RBFOX1: variants seen among roughly 807,000 people sequenced by gnomAD.
RBFOX1 encodes RNA binding fox-1 homolog 1.
In RBFOX1, 8 loss-of-function variants were observed where a neutral mutation model predicts 57.7. The ratio of observed to expected loss-of-function variants is 0.14; its 90% CI spans 0.08 to 0.25. The LOEUF (loss-of-function observed/expected upper bound fraction) is 0.25, where lower values mean the gene tolerates loss of function less well. Ranked by LOEUF, RBFOX1 falls within the 10% of genes least tolerant of loss-of-function variation. The pLI is 1.00. For synonymous variants in RBFOX1, 326 were observed against 222.4 expected (o/e 1.47, Z -4.15); for missense variants, 611 against 548.5 (o/e 1.11, Z -1.14).
intron 2 of RBFOX1, among the ~76,000 whole-genome samples, chr16:6,489,023 G>A (rs79201744): frequency 0.079 from 11,974 of 152,166 alleles, 556 homozygotes; most frequent in Middle Eastern, 0.11. Flanking sequence ...TTCCCTTACA[G>A]TCTGACACTA....
chr16:5,572,225 C>T (rs1228315964), intron 2 of RBFOX1, among the ~76,000 whole-genome samples: 1 of 152,196 alleles, frequency 6.6e-6, no homozygotes, highest in Non-Finnish European at 1.5e-5. Flanking sequence ...TTCTGTGGCT[C>T]AGAAGCTCTC....
rs149279949 is a variant in RBFOX1, at chr16:5,272,875, C to T, written c.219+32770C>T. Among the ~76,000 whole-genome samples the T allele has an allele frequency of 3.9e-3, 592 of 152,340 alleles. 2 individuals carry two copies. Among genetic ancestry groups the T allele is most frequent in the African/African-American group, 0.014 (565 of 41,564 alleles). ...CAAAAGTATGTAGTTGAGCTGACTGCAAGGTGCTTGAGATGCAAGAGACTC... is the reference window on the plus strand; with the variant it reads ...CAAAAGTATGTAGTTGAGCTGACTGTAAGGTGCTTGAGATGCAAGAGACTC... On this transcript the variant is annotated intron_variant, in intron 1 of 2. Transcript: ENST00000585867.
rs1381608851 is a variant in RBFOX1, at chr16:6,780,385, ATAT to A, written c.-16+125739_-16+125741del. Among the ~76,000 whole-genome samples, 7 of 83,448 alleles carry A rather than the reference ATAT, an allele frequency of 8.4e-5. 1 individual carries two copies. In the Admixed American group the frequency reaches 8.6e-4, roughly 10 times the overall value. 54.7% of individuals were successfully genotyped at this position (83,448 alleles called of 152,430 possible). ...TACATATTTATAGATATATTTATAC[ATAT>A]TATATATATTTTTATATATATTTAT... On this transcript the variant is annotated intron_variant, in intron 3 of 15. Transcript: ENST00000550418.
chr16:7,537,998 A>C (rs1335992010), intron 5 of RBFOX1, among the ~76,000 whole-genome samples: 1 of 152,254 alleles, frequency 6.6e-6, no homozygotes, highest in Non-Finnish European at 1.5e-5. Flanking sequence ...CCAGGTTCTT[A>C]CTGGAAAACA....
At chr16:5,740,624 G>C (rs1457687549) in intron 3 of RBFOX1, among the ~76,000 whole-genome samples, 3 of 152,174 alleles carry the variant, frequency 2.0e-5, no homozygotes, top group African/African-American at 7.2e-5. Context: ...AGGCATAGCT[G>C]GATCCAGGAG....
At chr16:6,744,234 A>T (rs1282721002) in intron 3 of RBFOX1, among the ~76,000 whole-genome samples, 1 of 152,142 alleles carries the variant, frequency 6.6e-6, no homozygotes, top group Admixed American at 6.5e-5. Flanking sequence ...AAACTGTTGG[A>T]ACTGGAAGGA....
intron 14 of RBFOX1, among the ~76,000 whole-genome samples, chr16:7,706,412 G>A (rs1005736285): frequency 1.3e-5 from 2 of 152,078 alleles, no homozygotes; most frequent in African/African-American, 4.8e-5. Context: ...GTTACCTTGG[G>A]TTTTCCACAA....
chr16:6,660,400 T>G (rs2098693694), intron 3 of RBFOX1, among the ~76,000 whole-genome samples: 1 of 151,988 alleles, frequency 6.6e-6, no homozygotes, highest in Non-Finnish European at 1.5e-5. Context: ...GAACTAAAAA[T>G]AAACATAAAA....
chr16:7,137,429 C>A (rs1441737268), intron 4 of RBFOX1, among the ~76,000 whole-genome samples: 1 of 152,130 alleles, frequency 6.6e-6, no homozygotes, highest in Admixed American at 6.5e-5. Flanking sequence ...CTGATGAGAT[C>A]TGATGGTTTT....
intron 4 of RBFOX1, among the ~76,000 whole-genome samples, chr16:7,413,299 C>T (rs2098447488): frequency 6.6e-6 from 1 of 152,068 alleles, no homozygotes; most frequent in African/African-American, 2.4e-5. Context: ...CTCCCCTGGC[C>T]ACCCTCCTGC....
intron 12 of RBFOX1, among the ~76,000 whole-genome samples, chr16:7,655,432 C>T (rs1318321182): frequency 1.3e-5 from 2 of 152,206 alleles, no homozygotes; most frequent in Middle Eastern, 3.2e-3. Flanking sequence ...AATGAACTGG[C>T]TATAAATTCT....
At chr16:5,466,081 A>C (rs1446644854) in intron 1 of RBFOX1, among the ~76,000 whole-genome samples, 1 of 152,174 alleles carries the variant, frequency 6.6e-6, no homozygotes, top group Non-Finnish European at 1.5e-5. Flanking sequence ...GACAAGAAAA[A>C]AGGGAGTTAT....
intron 3 of RBFOX1, among the ~76,000 whole-genome samples, chr16:7,033,639 A>T (rs562541425): frequency 6.6e-6 from 1 of 152,304 alleles, no homozygotes; most frequent in South Asian, 2.1e-4. Flanking sequence ...GCAACTTAAC[A>T]GAAACAAAAG....
At chr16:5,411,623 G>A (rs62542) in intron 1 of RBFOX1, among the ~76,000 whole-genome samples, 42,932 of 152,008 alleles carry the variant, frequency 0.28, 6,247 homozygotes, top group Middle Eastern at 0.39. Flanking sequence ...GTAGTTGGCC[G>A]GGTGCAGTGA....
At chr16:7,266,614 G>C (rs2095153230) in intron 4 of RBFOX1, among the ~76,000 whole-genome samples, 2 of 152,114 alleles carry the variant, frequency 1.3e-5, no homozygotes, top group African/African-American at 4.8e-5. Context: ...GGAGGTTAGG[G>C]CTTCCGCATA....
intron 4 of RBFOX1, among the ~76,000 whole-genome samples, chr16:7,306,267 G>C (rs2096182528): frequency 6.6e-6 from 1 of 152,170 alleles, no homozygotes; most frequent in African/African-American, 2.4e-5. Flanking sequence ...GACTTTGAGT[G>C]AGAGGTTATT....
chr16:7,701,341 G>A (rs181052227), intron 14 of RBFOX1, among the ~76,000 whole-genome samples: 127 of 152,226 alleles, frequency 8.3e-4, no homozygotes, highest in Admixed American at 7.9e-3. Flanking sequence ...GTTTGCAGCC[G>A]CCCCCTCTCA....
At chr16:7,348,438 T>A (rs77608945) in intron 4 of RBFOX1, among the ~76,000 whole-genome samples, 29,856 of 152,030 alleles carry the variant, frequency 0.2, 4,699 homozygotes, top group African/African-American at 0.44. Flanking sequence ...GTTAGGTTTT[T>A]AAGACTAAGG....
chr16:7,677,705 A>G (rs1327112344), intron 14 of RBFOX1, among the ~76,000 whole-genome samples: 3 of 152,218 alleles, frequency 2.0e-5, no homozygotes, highest in African/African-American at 7.2e-5. Flanking sequence ...CTCTGCATGC[A>G]CAAATGTCAT....
Sources: allele counts gnomAD v4.1 joint callset (sites outside exome capture counted in the v4.1 genomes callset), GRCh38; gene constraint gnomAD v4.1.1; transcripts MANE v1.5; gene names NCBI Gene and HGNC (gene_info 2026-07-23, HGNC 2026-07-21).